The following PHF2 variants were observed in gnomAD, a reference collection of about 807,000 sequenced individuals.
PHF2 encodes the protein lysine-specific demethylase PHF2.
In PHF2, 27 loss-of-function variants were observed where a neutral mutation model predicts 120.5. The ratio of observed to expected loss-of-function variants is 0.22; its 90% CI spans 0.17 to 0.31. PHF2 has a LOEUF of 0.31. Among genes scored for constraint, PHF2 ranks in the 10% least tolerant of loss-of-function variants. The pLI is 1.00. For synonymous variants in PHF2, 568 were observed against 592.5 expected (o/e 0.96, Z 0.60); for missense variants, 1,024 against 1,434.8 (o/e 0.71, Z 4.63).
At chr9:93,647,083 C>T (rs549439980) in intron 4 of PHF2, among the ~76,000 whole-genome samples, 1 of 152,314 alleles carries the variant, frequency 6.6e-6, no homozygotes, top group South Asian at 2.1e-4. Flanking sequence ...CTGTTTCTGT[C>T]TTGCTGCACA....
At chr9:93,648,649 A>G (rs1043905167) in intron 4 of PHF2, among the ~76,000 whole-genome samples, 1 of 152,164 alleles carries the variant, frequency 6.6e-6, no homozygotes, top group African/African-American at 2.4e-5. Context: ...CAGTCTGCCA[A>G]TTCTCAGAGT....
intron 17 of PHF2, 64 bp from the exon 18 acceptor site, chr9:93,673,521 G>GT: frequency 6.9e-7 from 1 of 1,451,974 alleles, no homozygotes; most frequent in East Asian, 2.3e-5. Flanking sequence ...ATAGGCTGTT[G>GT]TTTAAGTGCC....
At chr9:93,637,016 T>G (rs1029278340) in intron 3 of PHF2, among the ~76,000 whole-genome samples, 1 of 152,242 alleles carries the variant, frequency 6.6e-6, no homozygotes, top group Non-Finnish European at 1.5e-5. Flanking sequence ...CGGCTCCTGG[T>G]GAGAAAGGAG....
chr9:93,578,633 C>T (rs1862879154), intron 1 of PHF2, among the ~76,000 whole-genome samples: 1 of 152,186 alleles, frequency 6.6e-6, no homozygotes, highest in Non-Finnish European at 1.5e-5. Context: ...AGACCTTTGT[C>T]TCGCTGCTTA....
Position 93,655,929 on chromosome 9 carries a change from C to A in PHF2, c.953-5C>A. The A allele has an allele frequency of 6.2e-7, 1 of 1,609,796 alleles. No individual in the cohort carries two copies. The highest frequency in any genetic ancestry group is 8.5e-7 in the Non-Finnish European group (1 of 1,178,040). On this transcript the variant is annotated splice_polypyrimidine_tract_variant and splice_region_variant and intron_variant, in intron 7 of 21. Transcript: ENST00000359246. ...GGGCACCAGCCACTCCTGTCTCTCT[C>A]CCAGGCTGGATCTACGCCACACTCA...
At chr9:93,597,996 T>C (rs1825365741) in intron 1 of PHF2, among the ~76,000 whole-genome samples, 1 of 152,078 alleles carries the variant, frequency 6.6e-6, no homozygotes, top group Non-Finnish European at 1.5e-5. Context: ...ACATGGCACA[T>C]TGGGGGCACC....
chr9:93,621,634 G>A (rs1825828548), intron 1 of PHF2, among the ~76,000 whole-genome samples: 1 of 152,220 alleles, frequency 6.6e-6, no homozygotes, highest in African/African-American at 2.4e-5. Flanking sequence ...CAGGTGTGAG[G>A]ACTGGATCCC....
Position 93,656,830 on chromosome 9 carries a change from T to C in PHF2, c.1147+235T>C, listed in dbSNP as rs764920849. On this transcript the variant is annotated intron_variant, in intron 9 of 21. Transcript: ENST00000359246. The surrounding 1 kb of genome is among the most constrained non-coding windows in gnomAD (Gnocchi z 4.1). ...CTGTCCCTTGTTTTAGAACGAACAC[T>C]GGGCTGTGGGTTGAGAGGGGTGAGT... 6.6e-6 allele frequency among the ~76,000 whole-genome samples: 1 copy of C among 152,182 alleles called. No homozygotes were observed. Among genetic ancestry groups the C allele is most frequent in the Non-Finnish European group, 1.5e-5 (1 of 68,042 alleles).
chr9:93,649,096 A>T lies in PHF2; in HGVS notation c.486A>T (p.Thr162=). ...YVGPERSVDV[T]DVTKQKDCKM... Reference sequence around the variant, plus strand: ...GGCCGGAACGGAGTGTGGATGTGACAGATGTCACCAAGCAGAAGGACTGCA... The same window carrying T: ...GGCCGGAACGGAGTGTGGATGTGACTGATGTCACCAAGCAGAAGGACTGCA... The change falls in exon 5 of 22, where the codon ACA becomes ACT. Residue 162 remains threonine, a synonymous_variant. Coordinates refer to ENST00000359246, the MANE Select transcript of PHF2 (RefSeq NM_005392.4). The T allele has an allele frequency of 6.4e-7, 1 of 1,551,360 alleles. No individual in the cohort carries two copies.
At chr9:93,660,618 T>G in intron 12 of PHF2, 58 bp downstream of exon 12, 2 of 1,448,394 alleles carry the variant, frequency 1.4e-6, no homozygotes, top group Non-Finnish European at 1.8e-6. Flanking sequence ...CAGCATCTCT[T>G]GTGGGCCAGT....
intron 1 of PHF2, among the ~76,000 whole-genome samples, chr9:93,593,057 A>G (rs7022246): frequency 0.046 from 6,183 of 135,444 alleles, 507 homozygotes; most frequent in African/African-American, 0.16. Context: ...TCCACATCCT[A>G]ATCTTTGCTT....
intron 2 of PHF2, among the ~76,000 whole-genome samples, chr9:93,634,411 G>T (rs1826057230): frequency 6.6e-6 from 1 of 152,120 alleles, no homozygotes; most frequent in Admixed American, 6.5e-5. Context: ...GGCCGGCCTT[G>T]GCCCCCTTCC....
chr9:93,584,370 T>A (rs904113325), intron 1 of PHF2, among the ~76,000 whole-genome samples: 1 of 152,234 alleles, frequency 6.6e-6, no homozygotes, highest in African/African-American at 2.4e-5. Context: ...AAGAGTTTTA[T>A]AGTTTTAGCT....
At chr9:93,676,477 CT>C in intron 20 of PHF2, 116 bp from the exon 21 acceptor site, 1 of 1,303,730 alleles carries the variant, frequency 7.7e-7, no homozygotes, top group Non-Finnish European at 1.0e-6. Flanking sequence ...CCTCAGGCCC[CT>C]GCTGCCCAGC....
chr9:93,593,767 C>A (rs1587667514), intron 1 of PHF2, among the ~76,000 whole-genome samples: 1 of 152,134 alleles, frequency 6.6e-6, no homozygotes, highest in South Asian at 2.1e-4. Flanking sequence ...ATGGGGATAT[C>A]TTTATGATGA....
chr9:93,620,400 C>T (rs868606803), intron 1 of PHF2, among the ~76,000 whole-genome samples: 6 of 152,228 alleles, frequency 3.9e-5, no homozygotes, highest in South Asian at 2.1e-4. Flanking sequence ...CATAGGTGGA[C>T]GAGTGGGCCT....
In PHF2 at chr9:93,656,836, G is replaced by A. The variant is rs1056434772; in HGVS notation, c.1147+241G>A. Reference sequence around the variant, plus strand: ...CTTGTTTTAGAACGAACACTGGGCTGTGGGTTGAGAGGGGTGAGTGTGCAT... The same window carrying A: ...CTTGTTTTAGAACGAACACTGGGCTATGGGTTGAGAGGGGTGAGTGTGCAT... On this transcript the variant is annotated intron_variant, in intron 9 of 21. Coordinates refer to ENST00000359246, the MANE Select transcript of PHF2 (RefSeq NM_005392.4). The surrounding 1 kb of genome is among the most constrained non-coding windows in gnomAD (Gnocchi z 4.1). Among the ~76,000 whole-genome samples the A allele has an allele frequency of 2.6e-5, 4 of 152,240 alleles. No individual in the cohort carries two copies. Among genetic ancestry groups the A allele is most frequent in the Admixed American group, 6.5e-5 (1 of 15,290 alleles).
intron 1 of PHF2, among the ~76,000 whole-genome samples, chr9:93,618,734 GTGTA>G (rs898370652): frequency 2.0e-5 from 3 of 151,434 alleles, no homozygotes; most frequent in African/African-American, 7.3e-5. Context: ...GCACACCTGT[GTGTA>G]TGTGTGTGTG....
At chr9:93,649,244 TG>T in intron 5 of PHF2, 32 bp downstream of exon 5, 2 of 803,170 alleles carry the variant, frequency 2.5e-6, no homozygotes, top group Non-Finnish European at 1.9e-6. Flanking sequence ...GTGTGGGGGC[TG>T]GGGTTGGGGC....
Sources: gnomAD v4.1 joint callset for allele counts (sites outside exome capture counted in the v4.1 genomes callset) on GRCh38, gnomAD v4.1.1 for gene constraint, Gnocchi (gnomAD v3.1) non-coding constraint, MANE v1.5 for transcripts, NCBI Gene and HGNC (gene_info 2026-07-23, HGNC 2026-07-21) for gene names.